Variants in IMPG1 observed in about 807,000 individuals in gnomAD.
The protein encoded by IMPG1 is interphotoreceptor matrix proteoglycan of 150 kDa.
A neutral mutation model predicts 92.0 loss-of-function variants in IMPG1; 85 were observed. That is an observed-to-expected ratio of 0.92 (90% CI 0.78 to 1.11). The LOEUF (loss-of-function observed/expected upper bound fraction) is 1.11, where lower values mean the gene tolerates loss of function less well. Among genes scored for constraint, IMPG1 ranks in the 50% least tolerant of loss-of-function variants. The pLI is 0.00. For synonymous variants in IMPG1, 367 were observed against 334.1 expected, an observed-to-expected ratio of 1.10 and a Z score of -1.08; for missense variants, 1,022 against 956.0, an observed-to-expected ratio of 1.07 and a Z score of -0.91.
At chr6:75,989,761 T>G (rs552882393) in intron 12 of IMPG1, among the ~76,000 whole-genome samples, 1 of 152,304 alleles carries the variant, frequency 6.6e-6, no homozygotes, top group East Asian at 1.9e-4. Context: ...GAGAATCTCT[T>G]GAACCCATGA....
chr6:75,957,780 A>G (rs950271836), intron 12 of IMPG1, among the ~76,000 whole-genome samples: 2 of 152,014 alleles, frequency 1.3e-5, no homozygotes, highest in Non-Finnish European at 2.9e-5. Flanking sequence ...CTATCCCTTT[A>G]TTTTGAGCCT....
chr6:76,033,248 T>C (rs991404808), intron 4 of IMPG1, among the ~76,000 whole-genome samples: 6 of 152,206 alleles, frequency 3.9e-5, no homozygotes, highest in Non-Finnish European at 8.8e-5. Context: ...GTAAATTTTC[T>C]GCCAGCATTC....
At chr6:76,030,970 C>A (rs1783643769) in intron 4 of IMPG1, among the ~76,000 whole-genome samples, 1 of 152,068 alleles carries the variant, frequency 6.6e-6, no homozygotes, top group Admixed American at 6.5e-5. Flanking sequence ...GGTGCGGAAC[C>A]TGGGATTCAA....
At chr6:75,947,258 G>A (rs975614325) in intron 14 of IMPG1, 56 bp downstream of exon 14, 3 of 1,349,626 alleles carry the variant, frequency 2.2e-6, no homozygotes, top group African/African-American at 1.7e-5. Flanking sequence ...AAAACAGAAC[G>A]AAATTAAAAA....
At chr6:75,934,064 G>A (rs1384000886) in intron 14 of IMPG1, among the ~76,000 whole-genome samples, 1 of 152,172 alleles carries the variant, frequency 6.6e-6, no homozygotes, top group Non-Finnish European at 1.5e-5. Flanking sequence ...GGGCTCATAA[G>A]GGATGAGGGA....
chr6:75,970,424 A>G (rs886369049), intron 12 of IMPG1, among the ~76,000 whole-genome samples: 1 of 152,056 alleles, frequency 6.6e-6, no homozygotes, highest in Non-Finnish European at 1.5e-5. Context: ...CACTAAACAA[A>G]CGTGCTGAAT....
intron 6 of IMPG1, among the ~76,000 whole-genome samples, chr6:76,020,175 C>T (rs1235927626): frequency 6.6e-6 from 1 of 152,144 alleles, no homozygotes; most frequent in African/African-American, 2.4e-5. Flanking sequence ...TCCTCAGCCT[C>T]TCAAGTAGCT....
intron 1 of IMPG1, among the ~76,000 whole-genome samples, chr6:76,064,285 T>C (rs1038679827): frequency 6.6e-6 from 1 of 152,048 alleles, no homozygotes; most frequent in African/African-American, 2.4e-5. Context: ...GTGGCAGTGT[T>C]CCTGTTGCAT....
At chr6:75,956,524 T>C (rs763665383) in intron 12 of IMPG1, among the ~76,000 whole-genome samples, 17 of 152,212 alleles carry the variant, frequency 1.1e-4, no homozygotes, top group Non-Finnish European at 2.4e-4. Context: ...TCTATTTTGT[T>C]AATCTTTTCA....
chr6:75,993,000 C>A (rs1364699122), intron 12 of IMPG1, among the ~76,000 whole-genome samples: 1 of 152,120 alleles, frequency 6.6e-6, no homozygotes, highest in Non-Finnish European at 1.5e-5. Context: ...TAACATCTTA[C>A]ATTGTTCACT....
chr6:76,009,367 G>A (rs1783147713), intron 8 of IMPG1, among the ~76,000 whole-genome samples: 1 of 152,162 alleles, frequency 6.6e-6, no homozygotes, highest in Non-Finnish European at 1.5e-5. Context: ...AAAAGTACTT[G>A]TTAAATTGTA....
At chr6:76,014,594 C>T (rs1003821147) in intron 7 of IMPG1, among the ~76,000 whole-genome samples, 4 of 152,180 alleles carry the variant, frequency 2.6e-5, no homozygotes, top group Non-Finnish European at 4.4e-5. Context: ...GTAACAGCTC[C>T]AGGGATTTAA....
Position 75,950,598 on chromosome 6 carries a change from C to T in IMPG1, c.1788G>A (p.Leu596=), listed in dbSNP as rs1582061837. 4 of 1,612,954 alleles carry T rather than the reference C, an allele frequency of 2.5e-6. No homozygotes were observed. The highest frequency in any genetic ancestry group is 1.3e-5 in the African/African-American group (1 of 74,904). Residue 596 remains leucine, a synonymous_variant, in exon 13 of 17, where the codon CTG becomes CTA. Coordinates refer to ENST00000369950, the MANE Select transcript of IMPG1 (RefSeq NM_001563.4). ...FSNDLFNKSS[L]EYRALEQQFT... ...ATTGTTGCTCCAGAGCTCGGTACTC[C>T]AGAGAGCTCTTGTTGAACAGGTCGT...
chr6:76,039,183 T>G (rs1348870705), intron 2 of IMPG1, among the ~76,000 whole-genome samples: 1 of 152,202 alleles, frequency 6.6e-6, no homozygotes, highest in Non-Finnish European at 1.5e-5. Context: ...CTTGTTAAAA[T>G]GCAGATTCTG....
At chr6:75,973,234 C>T (rs1782451371) in intron 12 of IMPG1, among the ~76,000 whole-genome samples, 1 of 131,410 alleles carries the variant, frequency 7.6e-6, no homozygotes, top group Non-Finnish European at 1.7e-5. Context: ...TCCACTTCGG[C>T]CTCCCAAAGT....
In IMPG1 at chr6:76,018,750, A is replaced by G; in HGVS notation, c.775T>C (p.Tyr259His). The G allele has an allele frequency of 6.2e-7, 1 of 1,613,490 alleles. No homozygotes were observed. The highest frequency in any genetic ancestry group is 8.5e-7 in the Non-Finnish European group (1 of 1,179,698). The change falls in exon 7 of 17, where the codon TAC becomes CAC. Residue 259 changes from tyrosine (Y) to histidine (H), a missense_variant. By Grantham distance (83) the Tyr-to-His change is moderately conservative. Transcript: ENST00000369950. The stretch of plus-strand genomic sequence containing the variant: ...TGGGACTTTCCTGCTAGCTCCTGGT[A>G]ATATGGGGACTGGGAGTCAGCGAGC... ...AELADSQSPY[Y>H]QELAGKSQLQ...
At chr6:75,967,678 C>G (rs73754927) in intron 12 of IMPG1, among the ~76,000 whole-genome samples, 49 of 151,944 alleles carry the variant, frequency 3.2e-4, no homozygotes, top group African/African-American at 1.1e-3. Flanking sequence ...CTAAAGAAAA[C>G]AAAACAAAAC....
chr6:75,973,581 T>G (rs531496318), intron 12 of IMPG1, among the ~76,000 whole-genome samples: 1 of 152,312 alleles, frequency 6.6e-6, no homozygotes, highest in Admixed American at 6.5e-5. Context: ...CTATTATCAT[T>G]TCATAGATGG....
intron 1 of IMPG1, among the ~76,000 whole-genome samples, chr6:76,046,231 C>G (rs1783939593): frequency 6.6e-6 from 1 of 152,044 alleles, no homozygotes; most frequent in Non-Finnish European, 1.5e-5. Flanking sequence ...ATTTTCCCTA[C>G]TTTAGGTAGT....
Sources: allele counts gnomAD v4.1 joint callset (sites outside exome capture counted in the v4.1 genomes callset), GRCh38; gene constraint gnomAD v4.1.1; transcripts MANE v1.5; gene names NCBI Gene and HGNC (gene_info 2026-07-23, HGNC 2026-07-21).